The following ADARB2 variants were observed in gnomAD, a reference collection of about 807,000 sequenced individuals.
The protein encoded by ADARB2 is inactive double-stranded RNA-specific editase B2.
Under a neutral mutation model 62.2 loss-of-function variants are expected in ADARB2, and 25 were observed. That is an observed-to-expected ratio of 0.40 (90% CI 0.29 to 0.56). ADARB2 has a LOEUF of 0.56. ADARB2 is among the 20% of genes least tolerant of loss of function. The pLI is 0.43. For synonymous variants in ADARB2, 572 were observed against 500.8 expected (o/e 1.14, Z -1.90); for missense variants, 1,071 against 1,077.4 (o/e 0.99, Z 0.08).
chr10:1,178,808 T>C lies in ADARB2; in HGVS notation c.*4385A>G, dbSNP rs1333555616. 6.6e-6 allele frequency: 1 copy of C among 152,182 alleles called. No individual in the cohort carries two copies. Among genetic ancestry groups the C allele is most frequent in the Non-Finnish European group, 1.5e-5 (1 of 68,036 alleles). 9.4% of individuals were successfully genotyped at this position (152,182 alleles called of 1,614,324 possible). Reference sequence around the variant, plus strand: ...CTCCCTGACATGGACTAGGGGACTCTGCAGCCTCCCTGAGGGCCGCGGGAA... The same window carrying C: ...CTCCCTGACATGGACTAGGGGACTCCGCAGCCTCCCTGAGGGCCGCGGGAA... On this transcript the variant is annotated 3_prime_UTR_variant, in exon 10 of 10. Coordinates refer to ENST00000381312, the MANE Select transcript of ADARB2 (RefSeq NM_018702.4).
intron 1 of ADARB2, among the ~76,000 whole-genome samples, chr10:1,383,958 A>T (rs1832505238): frequency 6.6e-6 from 1 of 152,094 alleles, no homozygotes; most frequent in Non-Finnish European, 1.5e-5. Flanking sequence ...TGAACCTTCT[A>T]TGTTTCATTT....
rs1833089091 is a variant in ADARB2, at chr10:1,580,889, G to A, written c.100+156162C>T. On this transcript the variant is annotated intron_variant, in intron 1 of 9. Coordinates refer to ENST00000381312, the MANE Select transcript of ADARB2 (RefSeq NM_018702.4). ...GCAACGTGCACTTAAGATTCCTCCA[G>A]GTTCTTCCATGGCTTGATCGCTCAT... Among the ~76,000 whole-genome samples the A allele has an allele frequency of 2.0e-5, 3 of 152,194 alleles. No individual in the cohort carries two copies. In the South Asian group the frequency reaches 6.2e-4, roughly 31 times the overall value.
At chr10:1,574,566 G>C (rs10794761) in intron 1 of ADARB2, among the ~76,000 whole-genome samples, 1 of 151,852 alleles carries the variant, frequency 6.6e-6, no homozygotes, top group Non-Finnish European at 1.5e-5. Flanking sequence ...TCAAGGTGTC[G>C]GCAGGGCTGG....
intron 1 of ADARB2, among the ~76,000 whole-genome samples, chr10:1,516,510 C>T (rs1021089136): frequency 6.6e-6 from 1 of 151,556 alleles, no homozygotes; most frequent in Non-Finnish European, 1.5e-5. Context: ...CTGCTCTGTG[C>T]GGGCTGCTCT....
chr10:1,418,283 CG>C (rs768900658), intron 1 of ADARB2, among the ~76,000 whole-genome samples: 6 of 152,300 alleles, frequency 3.9e-5, no homozygotes, highest in South Asian at 4.1e-4. Flanking sequence ...CTGGAGTTCC[CG>C]GGAAAGACGG....
intron 1 of ADARB2, among the ~76,000 whole-genome samples, chr10:1,679,066 A>G (rs552285744): frequency 6.6e-6 from 1 of 152,282 alleles, no homozygotes; most frequent in Non-Finnish European, 1.5e-5. Flanking sequence ...TCACAATAAG[A>G]AGTGCAGGCC....
At chr10:1,547,791 G>T (rs1832547975) in intron 1 of ADARB2, among the ~76,000 whole-genome samples, 1 of 147,482 alleles carries the variant, frequency 6.8e-6, no homozygotes. Flanking sequence ...ACTGTGGGGA[G>T]GGGGCAAGAG....
At chr10:1,280,443 A>C (rs951712394) in intron 3 of ADARB2, among the ~76,000 whole-genome samples, 18 of 152,182 alleles carry the variant, frequency 1.2e-4, no homozygotes, top group African/African-American at 4.3e-4. Flanking sequence ...TCCTTGACAC[A>C]TGACATCTCC....
At chr10:1,697,396 G>A (rs1403091332) in intron 1 of ADARB2, among the ~76,000 whole-genome samples, 1 of 152,172 alleles carries the variant, frequency 6.6e-6, no homozygotes, top group African/African-American at 2.4e-5. Context: ...AACATTGACT[G>A]AACACTGAGC....
At chr10:1,268,275 G>A (rs763555390) in intron 4 of ADARB2, among the ~76,000 whole-genome samples, 31 of 152,134 alleles carry the variant, frequency 2.0e-4, no homozygotes, top group Non-Finnish European at 4.0e-4. Context: ...GGGGAGTGAG[G>A]GGTGGAGTGG....
At chr10:1,710,212 C>A (rs1834933848) in intron 1 of ADARB2, among the ~76,000 whole-genome samples, 3 of 152,146 alleles carry the variant, frequency 2.0e-5, no homozygotes, top group Admixed American at 6.5e-5. Context: ...TTATACTCAG[C>A]CCAGAAGAGT....
intron 1 of ADARB2, among the ~76,000 whole-genome samples, chr10:1,472,887 C>T (rs1323363186): frequency 6.6e-6 from 1 of 152,098 alleles, no homozygotes; most frequent in South Asian, 2.1e-4. Flanking sequence ...GTCAGGCAGC[C>T]GTCACACTGT....
chr10:1,454,202 A>C (rs1246266508), intron 1 of ADARB2, among the ~76,000 whole-genome samples: 1 of 152,106 alleles, frequency 6.6e-6, no homozygotes, highest in African/African-American at 2.4e-5. Flanking sequence ...CTCGTGAGAT[A>C]TTTTCACTGT....
intron 3 of ADARB2, among the ~76,000 whole-genome samples, chr10:1,305,946 C>T (rs142911052): frequency 6.6e-6 from 1 of 151,264 alleles, no homozygotes; most frequent in Non-Finnish European, 1.5e-5. Flanking sequence ...AGCCAATATC[C>T]TACTGAATGG....
At chr10:1,354,986 G>C (rs913627668) in intron 3 of ADARB2, among the ~76,000 whole-genome samples, 1 of 152,194 alleles carries the variant, frequency 6.6e-6, no homozygotes, top group African/African-American at 2.4e-5. Context: ...GCCCCTGCAG[G>C]CAGGTGACCC....
At chr10:1,558,675 A>G (rs1265873412) in intron 1 of ADARB2, among the ~76,000 whole-genome samples, 2 of 75,518 alleles carry the variant, frequency 2.6e-5, no homozygotes, top group African/African-American at 1.0e-4. Flanking sequence ...CCCATGCCCC[A>G]TCTAAATCCA....
At chr10:1,229,800 G>A (rs1044572528) in intron 6 of ADARB2, among the ~76,000 whole-genome samples, 4 of 133,918 alleles carry the variant, frequency 3.0e-5, no homozygotes, top group Non-Finnish European at 6.4e-5. Flanking sequence ...GTTTATGTGT[G>A]TGCGTGTACA....
At chr10:1,280,074 T>A (rs1027714669) in intron 3 of ADARB2, among the ~76,000 whole-genome samples, 7 of 152,178 alleles carry the variant, frequency 4.6e-5, no homozygotes, top group Admixed American at 2.0e-4. Context: ...TGTGGCAGCA[T>A]CACCTTGTTG....
chr10:1,557,992 C>T lies in ADARB2; in HGVS notation c.101-178832G>A, dbSNP rs72764967. On this transcript the variant is annotated intron_variant, in intron 1 of 9. Coordinates refer to ENST00000381312, the MANE Select transcript of ADARB2 (RefSeq NM_018702.4). ...CATCTGTGGCTGCCACATTCCCTGCCCTCCTTTTAAAGCAGCTGCAAGCAG... is the reference window on the plus strand; with the variant it reads ...CATCTGTGGCTGCCACATTCCCTGCTCTCCTTTTAAAGCAGCTGCAAGCAG... Among the ~76,000 whole-genome samples the T allele has an allele frequency of 7.3e-3, 1,105 of 152,236 alleles. 10 individuals are homozygous for T. Among genetic ancestry groups the T allele is most frequent in the Admixed American group, 0.012 (185 of 15,306 alleles).
Sources: allele counts gnomAD v4.1 joint callset (sites outside exome capture counted in the v4.1 genomes callset), GRCh38; gene constraint gnomAD v4.1.1; transcripts MANE v1.5; gene names NCBI Gene and HGNC (gene_info 2026-07-23, HGNC 2026-07-21).